The following GYPC variants were observed in gnomAD, a reference collection of about 807,000 sequenced individuals.
GYPC encodes the protein glycophorin-C.
Under a neutral mutation model 12.6 loss-of-function variants are expected in GYPC, and 14 were observed. The observed-to-expected ratio is 1.11, with a 90% confidence interval of 0.74 to 1.74. The LOEUF (loss-of-function observed/expected upper bound fraction) is 1.74. GYPC is among the 40% of genes most tolerant of loss of function. GYPC has a pLI of 0.00. For synonymous variants in GYPC, 78 were observed against 62.1 expected (o/e 1.26, Z -1.20); for missense variants, 225 against 172.1 (o/e 1.31, Z -1.72).
At chr2:126,683,827 A>G (rs1419535406) in intron 1 of GYPC, among the ~76,000 whole-genome samples, 2 of 152,180 alleles carry the variant, frequency 1.3e-5, no homozygotes, top group African/African-American at 4.8e-5. Context: ...TAAGGAAGAG[A>G]TGTCCTTTCC....
Position 126,693,852 on chromosome 2 carries a change from C to T in GYPC, c.107-12C>T, listed in dbSNP as rs755954630. On this transcript the variant is annotated splice_polypyrimidine_tract_variant and intron_variant, in intron 2 of 3. Transcript: ENST00000259254. ...TCCTCTCTGACCTCAGATTCTTGTC[C>T]TCTGTTCACAGAGCCTGATCCAGGG... 1.9e-6 allele frequency: 3 copies of T among 1,584,188 alleles called. No individual in the cohort carries two copies. Among genetic ancestry groups the T allele is most frequent in the South Asian group, 1.1e-5 (1 of 90,558 alleles).
chr2:126,659,784 T>C (rs1366779124), intron 1 of GYPC, among the ~76,000 whole-genome samples: 1 of 148,432 alleles, frequency 6.7e-6, no homozygotes, highest in Admixed American at 6.7e-5. Flanking sequence ...TCTTTTCTTT[T>C]TTTTTTTTTT....
Position 126,696,393 on chromosome 2 carries a change from G to A in GYPC, c.*251G>A, listed in dbSNP as rs777376298. On this transcript the variant is annotated 3_prime_UTR_variant, in exon 4 of 4. Coordinates refer to ENST00000259254, the MANE Select transcript of GYPC (RefSeq NM_002101.5). The stretch of plus-strand genomic sequence containing the variant: ...AGAGGCCACCTTTTGCTCCACGGAG[G>A]TGGGAGAAAATCTGGGCACATGGGG... 25 of 497,802 alleles carry A rather than the reference G, an allele frequency of 5.0e-5. No individual in the cohort carries two copies. Among genetic ancestry groups the A allele is most frequent in the Non-Finnish European group, 8.8e-5 (24 of 272,858 alleles). 30.8% of individuals were successfully genotyped at this position (497,802 alleles called of 1,614,324 possible).
intron 1 of GYPC, among the ~76,000 whole-genome samples, chr2:126,662,900 T>C (rs1682571019): frequency 6.6e-6 from 1 of 152,158 alleles, no homozygotes; most frequent in Non-Finnish European, 1.5e-5. Context: ...CCCTCCTTGC[T>C]CTCCAGACTC....
intron 2 of GYPC, among the ~76,000 whole-genome samples, chr2:126,691,270 C>A (rs1334237463): frequency 6.6e-6 from 1 of 152,128 alleles, no homozygotes; most frequent in Admixed American, 6.5e-5. Context: ...CAAAACACCC[C>A]CACCCCATGA....
rs967511431 is a variant in GYPC at position 126,685,874 on chromosome 2, T to C, written c.50-4381T>C. On this transcript the variant is annotated intron_variant, in intron 1 of 3. Transcript: ENST00000259254. The stretch of plus-strand genomic sequence containing the variant: ...GAAACACCTGCATTTCCTGTCATGA[T>C]TTTGAGGCTGAAATCATCTTCCTCC... 3.0e-6 allele frequency: 3 copies of C among 985,342 alleles called. No homozygotes were observed. In the African/African-American group the frequency reaches 5.2e-5, roughly 17 times the overall value. The allele number at this position is 985,342 out of a possible 1,614,324, so 61.0% of individuals were successfully genotyped here. A position where few individuals can be genotyped will look rare whatever the true frequency, so the allele number is the denominator to read the frequency against.
chr2:126,676,401 G>C (rs1682995679), intron 1 of GYPC, among the ~76,000 whole-genome samples: 2 of 152,226 alleles, frequency 1.3e-5, no homozygotes. Context: ...TTGATCATTA[G>C]ACATTAACTG....
chr2:126,687,938 C>A (rs532091670), intron 1 of GYPC, among the ~76,000 whole-genome samples: 2 of 152,160 alleles, frequency 1.3e-5, no homozygotes, highest in Non-Finnish European at 2.9e-5. Context: ...TTTGCAGTGC[C>A]CTGTAAGGCT....
At chr2:126,686,267 G>C (rs943417356) in intron 1 of GYPC, 7 of 985,504 alleles carry the variant, frequency 7.1e-6, no homozygotes, top group South Asian at 4.7e-5. Context: ...AGAATCCATT[G>C]CAACTGAGGT....
At chr2:126,672,538 C>T (rs1682880115) in intron 1 of GYPC, among the ~76,000 whole-genome samples, 1 of 152,176 alleles carries the variant, frequency 6.6e-6, no homozygotes, top group Non-Finnish European at 1.5e-5. Flanking sequence ...TGTGGGTCCC[C>T]TGTCCCCTCA....
intron 2 of GYPC, among the ~76,000 whole-genome samples, chr2:126,691,161 C>G (rs1189379676): frequency 1.3e-5 from 2 of 152,182 alleles, no homozygotes; most frequent in South Asian, 2.1e-4. Context: ...TCAGACTTTC[C>G]ATATTCTTCA....
chr2:126,666,291 G>A (rs1682674832), intron 1 of GYPC, among the ~76,000 whole-genome samples: 1 of 152,142 alleles, frequency 6.6e-6, no homozygotes, highest in South Asian at 2.1e-4. Flanking sequence ...GCCAATTCCT[G>A]GAATGCCTCC....
At chr2:126,656,850 C>T (rs546214286) in intron 1 of GYPC, among the ~76,000 whole-genome samples, 1 of 152,326 alleles carries the variant, frequency 6.6e-6, no homozygotes, top group Non-Finnish European at 1.5e-5. Flanking sequence ...TGTAATTCCT[C>T]GCTGCTGGTT....
rs1436656219 is a variant in GYPC, at chr2:126,696,482, G to T, written c.*340G>T. 4 of 369,664 alleles carry T rather than the reference G, an allele frequency of 1.1e-5. No homozygotes were observed. Among genetic ancestry groups the T allele is most frequent in the East Asian group, 6.5e-5 (1 of 15,380 alleles). The allele number at this position is 369,664 out of a possible 1,614,324, so 22.9% of individuals were successfully genotyped here. On this transcript the variant is annotated 3_prime_UTR_variant, in exon 4 of 4. Coordinates refer to ENST00000259254, the MANE Select transcript of GYPC (RefSeq NM_002101.5). ...GGAAAGTCCTTGTTGAGGGTGAGGG[G>T]GTGCTGGGGTACCCGGGGGCTGGGG...
At chr2:126,685,366 T>G (rs1171821869) in intron 1 of GYPC, among the ~76,000 whole-genome samples, 1 of 151,614 alleles carries the variant, frequency 6.6e-6, no homozygotes, top group Non-Finnish European at 1.5e-5. Context: ...TCAGAGTGCT[T>G]GTTAAATTGA....
At chr2:126,658,206 A>C (rs942630348) in intron 1 of GYPC, 2 of 152,280 alleles carry the variant, frequency 1.3e-5, no homozygotes, top group African/African-American at 4.8e-5. Flanking sequence ...TAAGTGCCAA[A>C]TGAAATTCCA....
At chr2:126,662,136 T>C (rs967836366) in intron 1 of GYPC, among the ~76,000 whole-genome samples, 1 of 152,274 alleles carries the variant, frequency 6.6e-6, no homozygotes, top group East Asian at 1.9e-4. Context: ...ATCTTCACAT[T>C]TTGTCAGCAG....
At chr2:126,671,058 A>T (rs1157063759) in intron 1 of GYPC, among the ~76,000 whole-genome samples, 2 of 152,102 alleles carry the variant, frequency 1.3e-5, no homozygotes, top group Non-Finnish European at 2.9e-5. Context: ...CCGTGAGTGG[A>T]TGGGAAGCCA....
intron 1 of GYPC, chr2:126,686,425 G>C (rs1307467932): frequency 9.1e-6 from 9 of 985,462 alleles, no homozygotes; most frequent in Non-Finnish European, 1.1e-5. Flanking sequence ...GACATAGAGA[G>C]TTAGTAGGAA....
Sources: allele counts gnomAD v4.1 joint callset (sites outside exome capture counted in the v4.1 genomes callset), GRCh38; gene constraint gnomAD v4.1.1; transcripts MANE v1.5; gene names NCBI Gene and HGNC (gene_info 2026-07-23, HGNC 2026-07-21).